SASH1: variants seen among roughly 807,000 people sequenced by gnomAD.
SASH1 encodes SAM and SH3 domain-containing protein 1.
Under a neutral mutation model 125.2 loss-of-function variants are expected in SASH1, and 44 were observed. That is an observed-to-expected ratio of 0.35 (90% CI 0.28 to 0.45). SASH1 has a LOEUF of 0.45. SASH1 is among the 20% of genes least tolerant of loss of function. The pLI, the probability that SASH1 is intolerant of heterozygous loss-of-function variation, is 1.00. For missense variants in SASH1, 1,426 were observed against 1,614.5 expected (o/e 0.88, Z 2.00); for synonymous variants, 639 against 649.1 (o/e 0.98, Z 0.24).
intron 1 of SASH1, among the ~76,000 whole-genome samples, chr6:148,319,794 A>C (rs952726290): frequency 3.9e-5 from 6 of 152,098 alleles, no homozygotes; most frequent in African/African-American, 1.4e-4. Flanking sequence ...GATTACAGGC[A>C]TGAGCCACCG....
chr6:148,458,153 T>C (rs1343223586), intron 4 of SASH1, among the ~76,000 whole-genome samples: 3 of 152,228 alleles, frequency 2.0e-5, no homozygotes, highest in Non-Finnish European at 4.4e-5. Flanking sequence ...TTATTCCCTC[T>C]CCTACTCTAC....
the SASH1 span, among the ~76,000 whole-genome samples, chr6:148,216,928 T>A: frequency 6.6e-6 from 1 of 152,030 alleles, no homozygotes; most frequent in Non-Finnish European, 1.5e-5. Flanking sequence ...GGTTTCACCA[T>A]GTTGGCCAGG....
At chr6:148,319,182 A>G (rs868707588) in intron 1 of SASH1, among the ~76,000 whole-genome samples, 35 of 150,762 alleles carry the variant, frequency 2.3e-4, no homozygotes, top group Non-Finnish European at 3.4e-4. Flanking sequence ...ACAGGCGCCC[A>G]CCACCACGTC....
At chr6:148,447,756 G>A (rs143515874) in intron 4 of SASH1, among the ~76,000 whole-genome samples, 13 of 139,270 alleles carry the variant, frequency 9.3e-5, no homozygotes, top group East Asian at 2.1e-4. Context: ...CCTCCTCCTC[G>A]TCCTCCTCTT....
intron 1 of SASH1, among the ~76,000 whole-genome samples, chr6:148,282,302 C>A (rs1219236832): frequency 6.6e-6 from 1 of 152,216 alleles, no homozygotes. Context: ...ACACTGAAGT[C>A]TAAAGCTCTT....
At chr6:148,298,740 A>C (rs1582932452) in intron 1 of SASH1, among the ~76,000 whole-genome samples, 2 of 86,332 alleles carry the variant, frequency 2.3e-5, no homozygotes, top group Admixed American at 1.2e-4. Flanking sequence ...GGAGGGAGGG[A>C]GGGAAAGGAA....
chr6:148,331,931 GC>G (rs1275969551), intron 1 of SASH1, among the ~76,000 whole-genome samples: 1 of 151,518 alleles, frequency 6.6e-6, no homozygotes, highest in East Asian at 2.0e-4. Context: ...TGATCCTTCT[GC>G]CTCAGCCTCC....
the SASH1 span, among the ~76,000 whole-genome samples, chr6:148,200,941 A>C: frequency 6.6e-6 from 1 of 152,092 alleles, no homozygotes; most frequent in Non-Finnish European, 1.5e-5. Context: ...CCTCCTCCTC[A>C]AGCTCTTAGA....
At chr6:148,454,610 G>A (rs1777252608) in intron 4 of SASH1, among the ~76,000 whole-genome samples, 1 of 152,136 alleles carries the variant, frequency 6.6e-6, no homozygotes, top group Admixed American at 6.5e-5. Flanking sequence ...AATGGGTGGT[G>A]GAGCCCCAGG....
intron 1 of SASH1, among the ~76,000 whole-genome samples, chr6:148,385,924 C>T (rs1277523643): frequency 6.6e-6 from 1 of 152,206 alleles, no homozygotes; most frequent in Admixed American, 6.5e-5. Flanking sequence ...CCGAGCCACT[C>T]TAGCAAATTA....
intron 8 of SASH1, among the ~76,000 whole-genome samples, chr6:148,502,244 A>G (rs1487071334): frequency 2.0e-5 from 3 of 151,178 alleles, no homozygotes; most frequent in Non-Finnish European, 4.4e-5. Flanking sequence ...TTTTTTTTCC[A>G]TATGCTAACC....
chr6:148,418,180 C>T (rs1269387823), intron 2 of SASH1, among the ~76,000 whole-genome samples: 1 of 152,140 alleles, frequency 6.6e-6, no homozygotes, highest in Non-Finnish European at 1.5e-5. Flanking sequence ...GTGTAAATAA[C>T]CAAATCAGCC....
chr6:148,520,016 T>G, intron 10 of SASH1, 123 bp downstream of exon 10: 1 of 669,016 alleles, frequency 1.5e-6, no homozygotes. Context: ...ATACTAATTA[T>G]TCCTGTTCCA....
At chr6:148,375,708 G>A (rs1782864457) in intron 1 of SASH1, among the ~76,000 whole-genome samples, 1 of 152,214 alleles carries the variant, frequency 6.6e-6, no homozygotes. Flanking sequence ...ATGGGCAGAT[G>A]CATAGATATG....
chr6:148,530,737 C>T (rs1450792325), intron 12 of SASH1, among the ~76,000 whole-genome samples: 1 of 152,168 alleles, frequency 6.6e-6, no homozygotes. Flanking sequence ...AGTGTGATAT[C>T]GTCTATTGAT....
chr6:148,515,804 A>T (rs1780403891), intron 9 of SASH1, among the ~76,000 whole-genome samples: 1 of 152,160 alleles, frequency 6.6e-6, no homozygotes, highest in Non-Finnish European at 1.5e-5. Context: ...AATTGCCAAC[A>T]TTCAACTTTA....
rs575533606 is a variant in SASH1, at chr6:148,303,103, C to T, written n.74+30726C>T. Reference sequence around the variant, plus strand: ...TCAAGCGATTCTCCTGCCTCAGCCTCCTGAATAGCTGGGATTACAGGCACA... The same window carrying T: ...TCAAGCGATTCTCCTGCCTCAGCCTTCTGAATAGCTGGGATTACAGGCACA... On this transcript the variant is annotated intron_variant and non_coding_transcript_variant, in intron 1 of 3. Coordinates refer to the SASH1 transcript ENST00000367469. Among the ~76,000 whole-genome samples the T allele has an allele frequency of 6.8e-4, 103 of 152,146 alleles. 2 individuals carry two copies. In the Middle Eastern group the frequency reaches 0.031, roughly 45 times the overall value.
At chr6:148,221,341 A>G in the SASH1 span, among the ~76,000 whole-genome samples, 10 of 152,232 alleles carry the variant, frequency 6.6e-5, no homozygotes, top group African/African-American at 2.4e-4. Context: ...TGGTATTAAC[A>G]TGACAGAGCC....
At chr6:148,337,151 C>T (rs749419563) in intron 1 of SASH1, among the ~76,000 whole-genome samples, 25 of 151,876 alleles carry the variant, frequency 1.6e-4, no homozygotes, top group South Asian at 4.2e-4. Flanking sequence ...CTCCGCCTCT[C>T]GGGCTAAAGT....
Sources: gnomAD v4.1 joint callset for allele counts (sites outside exome capture counted in the v4.1 genomes callset) on GRCh38, gnomAD v4.1.1 for gene constraint, MANE v1.5 for transcripts, NCBI Gene and HGNC (gene_info 2026-07-23, HGNC 2026-07-21) for gene names.